Variants in SYT17 observed in about 807,000 individuals in gnomAD.
SYT17 encodes synaptotagmin-17.
Under a neutral mutation model 46.7 loss-of-function variants are expected in SYT17, and 22 were observed. The observed-to-expected ratio is 0.47, with a 90% CI of 0.34 to 0.67. The LOEUF is 0.67. SYT17 is among the 30% of genes least tolerant of loss of function. SYT17 has a pLI of 0.01. For synonymous variants in SYT17, 251 were observed against 248.4 expected, an observed-to-expected ratio of 1.01 and a Z score of -0.10; for missense variants, 519 against 612.8, an observed-to-expected ratio of 0.85 and a Z score of 1.62.
At chr16:19,243,937 A>G (rs1967336972) in intron 7 of SYT17, among the ~76,000 whole-genome samples, 1 of 151,664 alleles carries the variant, frequency 6.6e-6, no homozygotes, top group Non-Finnish European at 1.5e-5. Context: ...AAGGCACTTG[A>G]GGACTAGGGC....
At chr16:19,185,947 C>T (rs984773062) in intron 5 of SYT17, among the ~76,000 whole-genome samples, 1 of 152,136 alleles carries the variant, frequency 6.6e-6, no homozygotes, top group Non-Finnish European at 1.5e-5. Flanking sequence ...GGGGAGTGTT[C>T]CCGTTCACTC....
intron 7 of SYT17, among the ~76,000 whole-genome samples, chr16:19,245,049 G>A (rs1478804498): frequency 6.6e-6 from 1 of 152,144 alleles, no homozygotes; most frequent in Non-Finnish European, 1.5e-5. Context: ...CGACCTCCCT[G>A]AGCACCTGTG....
At chr16:19,231,580 A>C (rs2269786) in intron 7 of SYT17, among the ~76,000 whole-genome samples, 32,078 of 147,122 alleles carry the variant, frequency 0.22, 3,753 homozygotes, top group Admixed American at 0.25. Flanking sequence ...TCCCTTGGCA[A>C]ACTTGATCAA....
At chr16:19,181,729 G>C (rs1964564925) in intron 4 of SYT17, among the ~76,000 whole-genome samples, 1 of 151,904 alleles carries the variant, frequency 6.6e-6, no homozygotes, top group Non-Finnish European at 1.5e-5. Flanking sequence ...TCTGGGCGCG[G>C]TGGCTCATGC....
intron 7 of SYT17, among the ~76,000 whole-genome samples, chr16:19,238,855 A>G (rs1345866022): frequency 1.3e-5 from 2 of 152,224 alleles, no homozygotes; most frequent in Non-Finnish European, 2.9e-5. Flanking sequence ...GGTAGGTTCG[A>G]GATGAAGGCT....
At chr16:19,211,939 T>G (rs1965920241) in intron 5 of SYT17, among the ~76,000 whole-genome samples, 2 of 152,160 alleles carry the variant, frequency 1.3e-5, no homozygotes, top group African/African-American at 4.8e-5. Context: ...GATCTTGTAT[T>G]TTTAAAGAAT....
chr16:19,169,468 C>T (rs1964000018), intron 1 of SYT17, among the ~76,000 whole-genome samples: 1 of 152,226 alleles, frequency 6.6e-6, no homozygotes, highest in Non-Finnish European at 1.5e-5. Flanking sequence ...GGCGCTGGCG[C>T]CTCTGAGCTG....
chr16:19,190,388 T>G (rs1964964123), intron 5 of SYT17, among the ~76,000 whole-genome samples: 1 of 152,032 alleles, frequency 6.6e-6, no homozygotes, highest in African/African-American at 2.4e-5. Flanking sequence ...TAAAAAAAAA[T>G]TATTAGTTTT....
intron 7 of SYT17, among the ~76,000 whole-genome samples, chr16:19,236,783 G>T (rs1220076975): frequency 6.6e-6 from 1 of 152,188 alleles, no homozygotes; most frequent in Non-Finnish European, 1.5e-5. Context: ...AGTATAGCCA[G>T]CCAGAGAAGC....
At chr16:19,172,236 C>T in intron 1 of SYT17, 1 of 831,346 alleles carries the variant, frequency 1.2e-6, no homozygotes, top group Non-Finnish European at 1.5e-6. Context: ...TTTTAGTTCC[C>T]TCTATTTGTG....
At chr16:19,196,328 C>T (rs113543434) in intron 5 of SYT17, among the ~76,000 whole-genome samples, 3,040 of 151,824 alleles carry the variant, frequency 0.02, 86 homozygotes, top group African/African-American at 0.07. Flanking sequence ...CTGCAACCTC[C>T]GCCTCCCGAT....
chr16:19,238,989 A>G (rs1211604040), intron 7 of SYT17, among the ~76,000 whole-genome samples: 1 of 152,234 alleles, frequency 6.6e-6, no homozygotes, highest in African/African-American at 2.4e-5. Flanking sequence ...TTAAAATGCC[A>G]GGGCCTGGCC....
At chr16:19,201,677 A>G (rs1965471822) in intron 5 of SYT17, among the ~76,000 whole-genome samples, 1 of 151,738 alleles carries the variant, frequency 6.6e-6, no homozygotes, top group Admixed American at 6.6e-5. Context: ...TGCTTAAAAA[A>G]AAAAAAAAAA....
intron 7 of SYT17, among the ~76,000 whole-genome samples, chr16:19,258,754 C>T (rs952114435): frequency 1.3e-5 from 2 of 152,024 alleles, no homozygotes; most frequent in African/African-American, 2.4e-5. Context: ...AGGACAGCAC[C>T]GCAAAACACA....
intron 2 of SYT17, chr16:19,173,164 A>T: frequency 1.8e-6 from 1 of 546,910 alleles, no homozygotes; most frequent in Non-Finnish European, 3.2e-6. Flanking sequence ...CATAAACTAC[A>T]AAAGAAAATA....
intron 5 of SYT17, among the ~76,000 whole-genome samples, chr16:19,190,778 G>C (rs923775272): frequency 1.8e-5 from 2 of 109,702 alleles, no homozygotes; most frequent in African/African-American, 8.3e-5. Flanking sequence ...CTGTGTGTGT[G>C]TGTGTGTGTG....
At chr16:19,249,998 G>A in intron 7 of SYT17, 1 of 1,535,872 alleles carries the variant, frequency 6.5e-7, no homozygotes, top group Non-Finnish European at 8.7e-7. Flanking sequence ...CATGGTATCA[G>A]TCCTTGGATA....
intron 5 of SYT17, among the ~76,000 whole-genome samples, chr16:19,193,339 G>T (rs1422510508): frequency 6.6e-6 from 1 of 152,310 alleles, no homozygotes; most frequent in East Asian, 1.9e-4. Flanking sequence ...AAGCCAGATT[G>T]CCCACTGAAG....
chr16:19,196,741 C>G (rs1473169260), intron 5 of SYT17, among the ~76,000 whole-genome samples: 1 of 152,164 alleles, frequency 6.6e-6, no homozygotes, highest in Non-Finnish European at 1.5e-5. Context: ...CATTATTACC[C>G]CAAATCCATA....
Sources: gnomAD v4.1 joint callset for allele counts (sites outside exome capture counted in the v4.1 genomes callset) on GRCh38, gnomAD v4.1.1 for gene constraint, MANE v1.5 for transcripts, NCBI Gene and HGNC (gene_info 2026-07-23, HGNC 2026-07-21) for gene names.